Variants in CNTNAP2 observed in about 807,000 individuals in gnomAD.
CNTNAP2 encodes the protein contactin associated protein 2, also known as contactin-associated protein-like 2.
In CNTNAP2, 98 loss-of-function variants were observed where a neutral mutation model predicts 155.2. The ratio of observed to expected loss-of-function variants is 0.63; its 90% CI spans 0.54 to 0.75. CNTNAP2 has a LOEUF of 0.75. Among genes scored for constraint, CNTNAP2 ranks in the 30% least tolerant of loss-of-function variants. CNTNAP2 has a pLI of 0.00. For missense variants in CNTNAP2, 1,727 were observed against 1,688.1 expected, an observed-to-expected ratio of 1.02 and a Z score of -0.40; for synonymous variants, 651 against 631.2, an observed-to-expected ratio of 1.03 and a Z score of -0.47.
chr7:146,562,828 T>A (rs1212530738), intron 1 of CNTNAP2, among the ~76,000 whole-genome samples: 1 of 152,162 alleles, frequency 6.6e-6, no homozygotes, highest in Non-Finnish European at 1.5e-5. Context: ...AATCAATTGA[T>A]TGAAACTAAA....
At chr7:147,915,173 T>A (rs148482082) in intron 14 of CNTNAP2, among the ~76,000 whole-genome samples, 8 of 152,310 alleles carry the variant, frequency 5.3e-5, no homozygotes, top group African/African-American at 1.7e-4. Context: ...TTTCACATCA[T>A]CAACAACAAA....
intron 16 of CNTNAP2, among the ~76,000 whole-genome samples, chr7:148,120,714 T>C (rs1427292372): frequency 6.6e-6 from 1 of 152,208 alleles, no homozygotes; most frequent in East Asian, 1.9e-4. Context: ...TATCCTTTAC[T>C]CTGGGCAAAA....
chr7:146,380,610 A>C (rs1795367447), intron 1 of CNTNAP2, among the ~76,000 whole-genome samples: 1 of 151,942 alleles, frequency 6.6e-6, no homozygotes, highest in Non-Finnish European at 1.5e-5. Flanking sequence ...AAATATTTTA[A>C]AATATTTTTT....
At position 148,230,201 on chromosome 7, in the gene CNTNAP2, T is replaced by TTC. The variant is rs567067479; in HGVS notation, c.3381+434_3381+435dup. On this transcript the variant is annotated intron_variant, in intron 20 of 23. Transcript: ENST00000361727. ...CAACACAATACAAAGAGCTGTATTT[T>TTC]TCTCTCTCTCTCTGCAGAGCCTTTG... 3.8e-3 allele frequency among the ~76,000 whole-genome samples: 576 copies of TTC among 152,212 alleles called. 3 individuals carry two copies. Among genetic ancestry groups the TTC allele is most frequent in the African/African-American group, 0.013 (543 of 41,548 alleles).
chr7:147,450,807 CTT>C (rs1230828166), intron 10 of CNTNAP2, among the ~76,000 whole-genome samples: 1 of 152,194 alleles, frequency 6.6e-6, no homozygotes, highest in African/African-American at 2.4e-5. Context: ...TCCTCTAATA[CTT>C]TGTTGCATTT....
At chr7:147,063,421 G>T (rs1799720644) in intron 4 of CNTNAP2, among the ~76,000 whole-genome samples, 1 of 152,122 alleles carries the variant, frequency 6.6e-6, no homozygotes, top group Non-Finnish European at 1.5e-5. Flanking sequence ...ACAACCGCAG[G>T]TATGGGACAC....
At chr7:147,872,673 T>C (rs1799348418) in intron 13 of CNTNAP2, among the ~76,000 whole-genome samples, 1 of 152,238 alleles carries the variant, frequency 6.6e-6, no homozygotes, top group Non-Finnish European at 1.5e-5. Flanking sequence ...CAATTCATTA[T>C]ACTATGAAGC....
chr7:146,140,725 C>T (rs961649951), intron 1 of CNTNAP2, among the ~76,000 whole-genome samples: 2 of 152,096 alleles, frequency 1.3e-5, no homozygotes, highest in Admixed American at 6.6e-5. Context: ...TTACTCTCTA[C>T]ATCACAAACA....
chr7:148,323,294 C>CTTTT (rs60109355), intron 21 of CNTNAP2, among the ~76,000 whole-genome samples: 1 of 49,466 alleles, frequency 2.0e-5, no homozygotes, highest in Non-Finnish European at 3.4e-5. Flanking sequence ...TTATGGATTT[C>CTTTT]TTTTTTTTTT....
rs568328937 is a variant in CNTNAP2, at chr7:146,358,920, GCTTGATACATCGC to G, written c.97+241951_97+241963del. Among the ~76,000 whole-genome samples, 223 of 152,278 alleles carry G rather than the reference GCTTGATACATCGC, an allele frequency of 1.5e-3. 2 individuals are homozygous for G. Among genetic ancestry groups the G allele is most frequent in the African/African-American group, 5.1e-3 (213 of 41,554 alleles). On this transcript the variant is annotated intron_variant, in intron 1 of 23. Transcript: ENST00000361727. Reference sequence around the variant, plus strand: ...TTTCTATAGGTGAAGAAAATCAGGGGCTTGATACATCGCCTTACTAGGATGATGCCAACAATAA... The same window carrying G: ...TTTCTATAGGTGAAGAAAATCAGGGGCTTACTAGGATGATGCCAACAATAA...
intron 1 of CNTNAP2, among the ~76,000 whole-genome samples, chr7:146,454,486 G>T (rs1305186194): frequency 6.6e-6 from 1 of 152,072 alleles, no homozygotes; most frequent in Non-Finnish European, 1.5e-5. Flanking sequence ...TAGTAAGAAA[G>T]TTGGGAAGGT....
At chr7:147,914,320 C>T (rs1241925387) in intron 14 of CNTNAP2, among the ~76,000 whole-genome samples, 2 of 152,024 alleles carry the variant, frequency 1.3e-5, no homozygotes, top group South Asian at 2.1e-4. Flanking sequence ...GTGGGCAGAT[C>T]ACCTGAGGTC....
At chr7:146,374,868 T>A (rs1795284579) in intron 1 of CNTNAP2, among the ~76,000 whole-genome samples, 1 of 152,198 alleles carries the variant, frequency 6.6e-6, no homozygotes, top group African/African-American at 2.4e-5. Flanking sequence ...TAAGTGAATG[T>A]GCAACTACAG....
intron 1 of CNTNAP2, among the ~76,000 whole-genome samples, chr7:146,760,274 A>G (rs1802069253): frequency 6.6e-6 from 1 of 152,028 alleles, no homozygotes; most frequent in South Asian, 2.1e-4. Flanking sequence ...AATTTTTGTC[A>G]TTCTTCTTCC....
intron 3 of CNTNAP2, among the ~76,000 whole-genome samples, chr7:146,955,285 C>A (rs2129228958): frequency 1.3e-5 from 2 of 152,032 alleles, no homozygotes; most frequent in Middle Eastern, 3.4e-3. Context: ...CTAAATATTT[C>A]TCATATACAA....
intron 15 of CNTNAP2, among the ~76,000 whole-genome samples, chr7:148,038,826 A>AGATGGATGGATG (rs58688357): frequency 2.0e-5 from 3 of 147,712 alleles, no homozygotes; most frequent in Non-Finnish European, 4.5e-5. Context: ...ATGGATGGAT[A>AGATGGATGGATG]GATGGATGGA....
intron 4 of CNTNAP2, among the ~76,000 whole-genome samples, chr7:147,071,768 G>T (rs970564138): frequency 6.6e-6 from 1 of 152,152 alleles, no homozygotes; most frequent in Non-Finnish European, 1.5e-5. Flanking sequence ...CAAAAATGCT[G>T]GTCTATGTAG....
At chr7:146,774,198 A>T in intron 1 of CNTNAP2, 73 bp from the exon 2 acceptor site, 1 of 1,066,122 alleles carries the variant, frequency 9.4e-7, no homozygotes, top group South Asian at 1.3e-5. Flanking sequence ...ATGATTTTTT[A>T]ACCAACACAT....
chr7:147,251,516 C>T (rs1464447926), intron 8 of CNTNAP2, among the ~76,000 whole-genome samples: 3 of 152,114 alleles, frequency 2.0e-5, no homozygotes, highest in Non-Finnish European at 4.4e-5. Flanking sequence ...AGCTTGTGTG[C>T]CTATGGCTCT....
Sources: gnomAD v4.1 joint callset for allele counts (sites outside exome capture counted in the v4.1 genomes callset) on GRCh38, gnomAD v4.1.1 for gene constraint, MANE v1.5 for transcripts, NCBI Gene and HGNC (gene_info 2026-07-23, HGNC 2026-07-21) for gene names.